FSHR: variants seen among roughly 807,000 people sequenced by gnomAD.
FSHR encodes follicle-stimulating hormone receptor.
FSHR carries 46 observed loss-of-function variants against 52.1 expected under a neutral mutation model. The ratio of observed to expected loss-of-function variants is 0.88; its 90% CI spans 0.70 to 1.13. The LOEUF (loss-of-function observed/expected upper bound fraction) is 1.13, where lower values mean the gene tolerates loss of function less well. FSHR is among the 50% of genes most tolerant of loss of function. FSHR has a pLI of 0.00. For synonymous variants in FSHR, 399 were observed against 309.6 expected (o/e 1.29, Z -3.03); for missense variants, 964 against 834.6 (o/e 1.16, Z -1.91).
intron 2 of FSHR, among the ~76,000 whole-genome samples, chr2:49,067,728 A>G (rs1457743170): frequency 6.6e-6 from 1 of 152,106 alleles, no homozygotes; most frequent in African/African-American, 2.4e-5. Flanking sequence ...TTCAAAGGAA[A>G]TCTTAATCAG....
intron 1 of FSHR, among the ~76,000 whole-genome samples, chr2:49,108,195 A>C (rs1319622842): frequency 6.6e-6 from 1 of 152,078 alleles, no homozygotes; most frequent in African/African-American, 2.4e-5. Flanking sequence ...TTAACTTTTA[A>C]CTGAGATTTA....
At chr2:49,049,853 T>A (rs1479785191) in intron 2 of FSHR, among the ~76,000 whole-genome samples, 1 of 142,378 alleles carries the variant, frequency 7.0e-6, no homozygotes, top group East Asian at 2.0e-4. Context: ...ATATATATAA[T>A]AAAAACCAAA....
At chr2:49,142,354 A>G (rs529490460) in intron 1 of FSHR, among the ~76,000 whole-genome samples, 1 of 152,328 alleles carries the variant, frequency 6.6e-6, no homozygotes, top group South Asian at 2.1e-4. Context: ...TCATCTCATC[A>G]TGCTGAAAGA....
At chr2:49,038,405 A>AT (rs1397834352) in intron 2 of FSHR, among the ~76,000 whole-genome samples, 2 of 151,906 alleles carry the variant, frequency 1.3e-5, no homozygotes, top group Non-Finnish European at 2.9e-5. Flanking sequence ...GCGGATCACG[A>AT]GGTCAGGAGA....
chr2:49,141,769 G>T (rs1672696158), intron 1 of FSHR, among the ~76,000 whole-genome samples: 1 of 124,736 alleles, frequency 8.0e-6, no homozygotes, highest in Non-Finnish European at 1.7e-5. Flanking sequence ...TAAGTGCTCA[G>T]ATGAAGAGTT....
chr2:49,079,324 A>G (rs1670074359), intron 1 of FSHR, among the ~76,000 whole-genome samples: 1 of 152,176 alleles, frequency 6.6e-6, no homozygotes, highest in African/African-American at 2.4e-5. Flanking sequence ...ATATAAATTG[A>G]AGGCAAAACC....
chr2:49,130,746 C>G (rs907396037), intron 1 of FSHR, among the ~76,000 whole-genome samples: 1 of 152,130 alleles, frequency 6.6e-6, no homozygotes, highest in Admixed American at 6.5e-5. Flanking sequence ...ATGACATTCA[C>G]CCAGTTGCTC....
intron 1 of FSHR, among the ~76,000 whole-genome samples, chr2:49,086,672 G>A (rs1405813316): frequency 6.6e-6 from 1 of 152,112 alleles, no homozygotes; most frequent in Admixed American, 6.6e-5. Context: ...ATGAAGTCTT[G>A]CTCTTTTGCC....
At chr2:49,047,298 G>T (rs974646368) in intron 2 of FSHR, among the ~76,000 whole-genome samples, 1 of 152,156 alleles carries the variant, frequency 6.6e-6, no homozygotes, top group African/African-American at 2.4e-5. Context: ...TTTAAGGGAA[G>T]ATATAAAAGG....
chr2:49,099,937 T>A (rs2103719376), intron 1 of FSHR, among the ~76,000 whole-genome samples: 1 of 152,238 alleles, frequency 6.6e-6, no homozygotes, highest in Middle Eastern at 3.4e-3. Flanking sequence ...GCTATTAATA[T>A]AATGTATAAT....
chr2:49,052,872 T>C (rs1668921608), intron 2 of FSHR, among the ~76,000 whole-genome samples: 1 of 152,206 alleles, frequency 6.6e-6, no homozygotes, highest in Non-Finnish European at 1.5e-5. Flanking sequence ...TCTAGCACTG[T>C]TGCAGTTACA....
rs1191946881 is a variant in FSHR, at chr2:49,047,525, T to C, written c.224+20694A>G. Among the ~76,000 whole-genome samples, 3 of 152,212 alleles carry C rather than the reference T, an allele frequency of 2.0e-5. No individual in the cohort carries two copies. The East Asian group carries it at 5.8e-4, about 29-fold the overall frequency. Reference sequence around the variant, plus strand: ...AGACTTTGTGGTCCAAACAAGCAAGTCAGCCAGGATATGGTTTTTCATGTA... The same window carrying C: ...AGACTTTGTGGTCCAAACAAGCAAGCCAGCCAGGATATGGTTTTTCATGTA... On this transcript the variant is annotated intron_variant, in intron 2 of 9. Coordinates refer to ENST00000406846, the MANE Select transcript of FSHR (RefSeq NM_000145.4).
intron 1 of FSHR, among the ~76,000 whole-genome samples, chr2:49,121,724 T>A (rs931159559): frequency 3.3e-5 from 5 of 152,214 alleles, no homozygotes. Flanking sequence ...AACTCCAACA[T>A]CGGAGTTTGT....
intron 1 of FSHR, among the ~76,000 whole-genome samples, chr2:49,119,403 G>GT (rs143680136): frequency 0.059 from 8,857 of 151,062 alleles, 846 homozygotes; most frequent in African/African-American, 0.2. Context: ...TTTTGTTTTT[G>GT]TTTTTTCATC....
chr2:49,017,395 G>T, intron 4 of FSHR, 94 bp downstream of exon 4: 1 of 930,926 alleles, frequency 1.1e-6, no homozygotes, highest in Non-Finnish European at 1.7e-6. Context: ...TTGATCAAAA[G>T]TAATTGCTCC....
intron 4 of FSHR, among the ~76,000 whole-genome samples, chr2:49,003,918 G>A (rs1458577025): frequency 6.6e-6 from 1 of 152,094 alleles, no homozygotes; most frequent in Non-Finnish European, 1.5e-5. Flanking sequence ...AGCTCTCAAT[G>A]TGTGGCCTGT....
intron 4 of FSHR, among the ~76,000 whole-genome samples, chr2:49,013,873 T>G (rs1183297140): frequency 1.3e-5 from 2 of 152,072 alleles, no homozygotes; most frequent in African/African-American, 4.8e-5. Context: ...GATAAGATCA[T>G]CAGGGCAAGA....
At chr2:49,123,981 G>C (rs1418990423) in intron 1 of FSHR, among the ~76,000 whole-genome samples, 1 of 151,556 alleles carries the variant, frequency 6.6e-6, no homozygotes, top group African/African-American at 2.4e-5. Flanking sequence ...GAGCTCTTGA[G>C]TTTTTCTTTC....
chr2:49,015,988 C>A (rs1026093707), intron 4 of FSHR, among the ~76,000 whole-genome samples: 2 of 152,040 alleles, frequency 1.3e-5, no homozygotes, highest in Non-Finnish European at 2.9e-5. Context: ...TTTTTCAGAC[C>A]CTTTCTGGGG....
Sources: allele counts gnomAD v4.1 joint callset (sites outside exome capture counted in the v4.1 genomes callset), GRCh38; gene constraint gnomAD v4.1.1; transcripts MANE v1.5; gene names NCBI Gene and HGNC (gene_info 2026-07-23, HGNC 2026-07-21).